MYRIP: variants seen among roughly 807,000 people sequenced by gnomAD.
MYRIP encodes the protein rab effector MyRIP.
In MYRIP, 49 loss-of-function variants were observed where a neutral mutation model predicts 98.0. The ratio of observed to expected loss-of-function variants is 0.50; its 90% CI spans 0.40 to 0.63. MYRIP has a LOEUF of 0.63. Ranked by LOEUF, MYRIP falls within the 30% of genes least tolerant of loss-of-function variation. The pLI, the probability that MYRIP is intolerant of heterozygous loss-of-function variation, is 0.00. For synonymous variants in MYRIP, 404 were observed against 409.5 expected (o/e 0.99, Z 0.16); for missense variants, 1,004 against 1,058.2 (o/e 0.95, Z 0.71).
At chr3:40,250,992 T>C (rs1330944176) in intron 15 of MYRIP, among the ~76,000 whole-genome samples, 1 of 152,218 alleles carries the variant, frequency 6.6e-6, no homozygotes, top group Non-Finnish European at 1.5e-5. Context: ...GTACTTGCTG[T>C]AGGATCTGTT....
intron 2 of MYRIP, among the ~76,000 whole-genome samples, chr3:39,907,975 G>A (rs965049150): frequency 6.6e-6 from 1 of 152,184 alleles, no homozygotes; most frequent in Non-Finnish European, 1.5e-5. Context: ...ACTGTTAATT[G>A]TACAATCCTC....
chr3:40,032,771 A>C (rs1430265335), intron 2 of MYRIP, among the ~76,000 whole-genome samples: 1 of 152,056 alleles, frequency 6.6e-6, no homozygotes, highest in East Asian at 1.9e-4. Context: ...ACAACCAAAA[A>C]AGAATTTTAG....
intron 1 of MYRIP, among the ~76,000 whole-genome samples, chr3:39,881,442 G>A (rs763121412): frequency 7.2e-5 from 11 of 152,120 alleles, no homozygotes; most frequent in Non-Finnish European, 2.9e-5. Flanking sequence ...AATATCTCCA[G>A]GGCTTTCATT....
chr3:40,008,015 A>C (rs1453193229), intron 2 of MYRIP, among the ~76,000 whole-genome samples: 1 of 152,244 alleles, frequency 6.6e-6, no homozygotes, highest in Non-Finnish European at 1.5e-5. Flanking sequence ...ATTAACATAC[A>C]AAATTAACCA....
At position 40,244,474 on chromosome 3, in the gene MYRIP, G is replaced by C. The variant is rs1216803614; in HGVS notation, c.2129G>C (p.Gly710Ala). The C allele has an allele frequency of 1.9e-6, 3 of 1,613,708 alleles. No individual in the cohort carries two copies. The highest frequency in any genetic ancestry group is 2.7e-5 in the African/African-American group (2 of 74,890). The change falls in exon 13 of 17, where the codon GGA becomes GCA. Residue 710 changes from glycine (G) to alanine (A), a missense_variant. By Grantham distance (60) the Gly-to-Ala change is moderately conservative (BLOSUM62 0). Around this residue, in one of 3 missense-constraint regions of MYRIP, gnomAD observed 880 missense variants for 907.7 expected, o/e 0.97. Coordinates refer to ENST00000302541, the MANE Select transcript of MYRIP (RefSeq NM_015460.4). ...TACCTGGCAGCAGGCACTGTGTATG[G>C]ACTGGAGACCCAGCTGACTGAGCTA... ...NVYLAAGTVY[G>A]LETQLTELED...
chr3:39,900,918 A>G lies in MYRIP; in HGVS notation c.102A>G (p.Glu34=), dbSNP rs750723887. The change falls in exon 2 of 17, where the codon GAA becomes GAG. Residue 34 remains glutamate, a synonymous_variant. Coordinates refer to ENST00000302541, the MANE Select transcript of MYRIP (RefSeq NM_015460.4). ...RDFNLRKKEE[E]RLSELKQKLD... ...TCAATCTTCGCAAAAAAGAAGAAGA[A>G]CGACTAAGGTGAGATGCCTGTTTTG... 1.2e-6 allele frequency: 2 copies of G among 1,612,152 alleles called. No individual in the cohort carries two copies. Among genetic ancestry groups the G allele is most frequent in the African/African-American group, 2.7e-5 (2 of 75,036 alleles).
chr3:39,835,133 A>T (rs1941581738), intron 1 of MYRIP, among the ~76,000 whole-genome samples: 1 of 152,208 alleles, frequency 6.6e-6, no homozygotes, highest in Non-Finnish European at 1.5e-5. Flanking sequence ...TTATTGATCT[A>T]CTCATGTGTC....
intron 5 of MYRIP, among the ~76,000 whole-genome samples, chr3:40,165,184 T>G (rs1950477558): frequency 6.6e-6 from 1 of 152,242 alleles, no homozygotes; most frequent in African/African-American, 2.4e-5. Flanking sequence ...TTGGAAAGAC[T>G]GTGCAACCTG....
rs566614709 is a variant in MYRIP, at chr3:40,075,740, AGGG to A, written c.332+31472_332+31474del. Among the ~76,000 whole-genome samples the A allele has an allele frequency of 3.3e-5, 5 of 152,072 alleles. No homozygotes were observed. The East Asian group carries it at 9.7e-4, about 29-fold the overall frequency. On this transcript the variant is annotated intron_variant, in intron 3 of 16. Coordinates refer to ENST00000302541, the MANE Select transcript of MYRIP (RefSeq NM_015460.4). ...TAGTATGGTCTCTTCTGTAGAAGAA[AGGG>A]GGTGGAGTAAATGAGGGAATGAGGA... is the stretch of plus-strand genomic sequence containing the variant.
chr3:40,116,150 T>A lies in MYRIP; in HGVS notation c.333-34898T>A, dbSNP rs1949272026. Among the ~76,000 whole-genome samples the A allele has an allele frequency of 2.0e-5, 3 of 152,206 alleles. No homozygotes were observed. In the South Asian group the frequency reaches 6.2e-4, roughly 32 times the overall value. Reference sequence around the variant, plus strand: ...TCCTGGGTCTCCAGCTGTCATCTTTTGCTTGATCCCTGGATGGGGGCACAC... The same window carrying A: ...TCCTGGGTCTCCAGCTGTCATCTTTAGCTTGATCCCTGGATGGGGGCACAC... On this transcript the variant is annotated intron_variant, in intron 3 of 16. Transcript: ENST00000302541.
chr3:39,932,165 G>A (rs947681436), intron 2 of MYRIP, among the ~76,000 whole-genome samples: 4 of 152,166 alleles, frequency 2.6e-5, no homozygotes, highest in Non-Finnish European at 5.9e-5. Context: ...TGTATCACAA[G>A]ATAGGACTGT....
chr3:40,127,813 A>G (rs1193788724), intron 3 of MYRIP, among the ~76,000 whole-genome samples: 1 of 152,164 alleles, frequency 6.6e-6, no homozygotes, highest in Non-Finnish European at 1.5e-5. Flanking sequence ...CTCTAGAAGC[A>G]GCTACACCTT....
At chr3:40,231,177 G>A (rs777148726) in intron 11 of MYRIP, among the ~76,000 whole-genome samples, 1 of 152,216 alleles carries the variant, frequency 6.6e-6, no homozygotes, top group Non-Finnish European at 1.5e-5. Flanking sequence ...AATGGTCCAG[G>A]TCTTTAAGCA....
chr3:40,076,920 A>G (rs1243513660), intron 3 of MYRIP, among the ~76,000 whole-genome samples: 4 of 152,190 alleles, frequency 2.6e-5, no homozygotes, highest in Non-Finnish European at 5.9e-5. Flanking sequence ...TTAAGTTAGA[A>G]AAAGGAAACA....
chr3:40,110,813 A>T (rs946075094), intron 3 of MYRIP, among the ~76,000 whole-genome samples: 1 of 149,832 alleles, frequency 6.7e-6, no homozygotes, highest in Non-Finnish European at 1.5e-5. Flanking sequence ...TCTCAACTTC[A>T]CTTCTCTCTC....
intron 2 of MYRIP, among the ~76,000 whole-genome samples, chr3:39,956,316 A>G (rs1010892338): frequency 6.6e-6 from 1 of 152,230 alleles, no homozygotes; most frequent in African/African-American, 2.4e-5. Flanking sequence ...AACAGAAATG[A>G]TAACAAACTG....
At chr3:39,972,907 G>T (rs1316098883) in intron 2 of MYRIP, among the ~76,000 whole-genome samples, 1 of 151,824 alleles carries the variant, frequency 6.6e-6, no homozygotes, top group Non-Finnish European at 1.5e-5. Flanking sequence ...CAGCTGATGA[G>T]TAATGTGACT....
intron 11 of MYRIP, among the ~76,000 whole-genome samples, chr3:40,230,579 C>G (rs1434904673): frequency 6.6e-6 from 1 of 152,196 alleles, no homozygotes; most frequent in Non-Finnish European, 1.5e-5. Flanking sequence ...TGCCCTGCCC[C>G]TGTCATATAG....
At chr3:40,181,172 C>T (rs190163651) in intron 8 of MYRIP, among the ~76,000 whole-genome samples, 51 of 150,828 alleles carry the variant, frequency 3.4e-4, no homozygotes, top group Middle Eastern at 6.8e-3. Flanking sequence ...TAAGTTTCCA[C>T]GACTCTCAAG....
Sources: gnomAD v4.1 joint callset for allele counts (sites outside exome capture counted in the v4.1 genomes callset) on GRCh38, gnomAD v4.1.1 for gene constraint, gnomAD v4.1.1 regional missense constraint, MANE v1.5 for transcripts, NCBI Gene and HGNC (gene_info 2026-07-23, HGNC 2026-07-21) for gene names.